Variants in DOCK4 observed in about 807,000 individuals in gnomAD.
DOCK4 encodes dedicator of cytokinesis 4.
In DOCK4, 97 loss-of-function variants were observed where a neutral mutation model predicts 268.1. The observed-to-expected ratio is 0.36, with a 90% CI of 0.31 to 0.43. The LOEUF is 0.43. Ranked by LOEUF, DOCK4 falls within the 20% of genes least tolerant of loss-of-function variation. The probability of loss-of-function intolerance (pLI) is 1.00; values close to 1 mark genes in which losing one functional copy is unlikely to be tolerated. For synonymous variants in DOCK4, 954 were observed against 887.2 expected, an observed-to-expected ratio of 1.08 and a Z score of -1.34; for missense variants, 2,145 against 2,455.7, an observed-to-expected ratio of 0.87 and a Z score of 2.67.
At chr7:111,889,886 A>G (rs1029003886) in intron 16 of DOCK4, among the ~76,000 whole-genome samples, 22 of 152,190 alleles carry the variant, frequency 1.4e-4, no homozygotes, top group African/African-American at 5.3e-4. Flanking sequence ...CAGGAAGCAG[A>G]TTCTCTACTA....
rs183079160 is a variant in DOCK4, at chr7:112,090,054, C to G, written c.38-85923G>C. ...AATCACAAAATATTCTTAAGACCCT[C>G]TTTCTGGAGATTCTAAGTTAGTCTT... On this transcript the variant is annotated intron_variant, in intron 1 of 52. Transcript: ENST00000428084. Among the ~76,000 whole-genome samples, 223 of 152,274 alleles carry G rather than the reference C, an allele frequency of 1.5e-3. 2 individuals carry two copies. The highest frequency in any genetic ancestry group is 2.4e-3 in the Non-Finnish European group (164 of 68,020).
chr7:111,853,106 CACTGG>C (rs1399645029), intron 23 of DOCK4, among the ~76,000 whole-genome samples: 2 of 152,182 alleles, frequency 1.3e-5, no homozygotes, highest in Non-Finnish European at 2.9e-5. Flanking sequence ...CAGTAATCCC[CACTGG>C]ACACGGGACT....
intron 8 of DOCK4, among the ~76,000 whole-genome samples, chr7:111,951,409 T>C (rs1796035832): frequency 6.6e-6 from 1 of 151,988 alleles, no homozygotes; most frequent in Non-Finnish European, 1.5e-5. Context: ...AGTTGTGTGG[T>C]CAGTCAAGGA....
At chr7:111,938,396 A>T (rs550315759) in intron 11 of DOCK4, among the ~76,000 whole-genome samples, 1 of 152,322 alleles carries the variant, frequency 6.6e-6, no homozygotes, top group African/African-American at 2.4e-5. Context: ...ATCTACTGGC[A>T]CATATTAGGT....
intron 25 of DOCK4, among the ~76,000 whole-genome samples, chr7:111,837,586 A>T (rs1803327964): frequency 6.6e-6 from 1 of 152,196 alleles, no homozygotes; most frequent in African/African-American, 2.4e-5. Context: ...ACAAAAATAA[A>T]TTTTACTTCT....
In DOCK4 at chr7:111,727,453, T is replaced by C. The variant is rs1172589132; in HGVS notation, c.*821A>G. The C allele has an allele frequency of 6.6e-6, 1 of 152,668 alleles. No individual in the cohort carries two copies. The highest frequency in any genetic ancestry group is 1.5e-5 in the Non-Finnish European group (1 of 68,048). The allele number at this position is 152,668 out of a possible 1,614,324, so 9.5% of individuals were successfully genotyped here. Reference sequence around the variant, plus strand: ...GGCACAGTCATTTGTGCCTCATTAATACTTCAGCATTTGCTCTTGTTCAAT... The same window carrying C: ...GGCACAGTCATTTGTGCCTCATTAACACTTCAGCATTTGCTCTTGTTCAAT... On this transcript the variant is annotated 3_prime_UTR_variant, in exon 53 of 53. Coordinates refer to ENST00000428084, the MANE Select transcript of DOCK4 (RefSeq NM_001363540.2).
intron 1 of DOCK4, among the ~76,000 whole-genome samples, chr7:112,133,925 G>A (rs1814061528): frequency 6.6e-6 from 1 of 151,928 alleles, no homozygotes; most frequent in African/African-American, 2.4e-5. Flanking sequence ...TTTTTTAACA[G>A]ACTGGAATGG....
chr7:111,944,800 G>C lies in DOCK4; in HGVS notation c.844+11C>G. 1 of 1,613,292 alleles carries C rather than the reference G, an allele frequency of 6.2e-7. No individual in the cohort carries two copies. The highest frequency in any genetic ancestry group is 1.1e-5 in the South Asian group (1 of 91,058). On this transcript the variant is annotated intron_variant, in intron 10 of 52. Transcript: ENST00000428084. ...CCTTGCCCCTACTGCACTGACAAGT[G>C]TTATACCTACCGATTCGGATAATGT...
intron 29 of DOCK4, 56 bp downstream of exon 29, chr7:111,809,245 A>C (rs1246962198): frequency 1.2e-5 from 16 of 1,330,446 alleles, no homozygotes; most frequent in Non-Finnish European, 1.7e-5. Context: ...GAATCATTTG[A>C]ACTAAATACT....
At chr7:112,069,223 C>G (rs2135658160) in intron 1 of DOCK4, among the ~76,000 whole-genome samples, 1 of 152,300 alleles carries the variant, frequency 6.6e-6, no homozygotes, top group Non-Finnish European at 1.5e-5. Context: ...GGGTGGATAA[C>G]AGCTCAGTAC....
At chr7:112,091,185 G>C (rs10266032) in intron 1 of DOCK4, among the ~76,000 whole-genome samples, 1 of 152,068 alleles carries the variant, frequency 6.6e-6, no homozygotes, top group Non-Finnish European at 1.5e-5. Context: ...ATTGACTCCA[G>C]TGTTCCTACC....
intron 1 of DOCK4, among the ~76,000 whole-genome samples, chr7:112,068,160 T>C (rs1476159964): frequency 2.0e-5 from 3 of 152,216 alleles, no homozygotes; most frequent in East Asian, 3.8e-4. Flanking sequence ...CAAAGAAGAC[T>C]GCACTATTGT....
intron 42 of DOCK4, among the ~76,000 whole-genome samples, chr7:111,751,972 C>T (rs950502410): frequency 1.3e-5 from 2 of 152,072 alleles, no homozygotes; most frequent in African/African-American, 4.8e-5. Context: ...ATTGCCCAGG[C>T]TGGTCTAAAA....
intron 23 of DOCK4, among the ~76,000 whole-genome samples, chr7:111,852,373 T>C (rs891837225): frequency 2.6e-5 from 4 of 152,078 alleles, no homozygotes; most frequent in African/African-American, 9.7e-5. Flanking sequence ...TTCTATACAT[T>C]AAGAAAACAA....
intron 51 of DOCK4, among the ~76,000 whole-genome samples, chr7:111,733,273 G>A (rs1005057342): frequency 4.6e-5 from 7 of 152,204 alleles, no homozygotes; most frequent in African/African-American, 1.7e-4. Context: ...CAGACCATGA[G>A]AGCAATCAGT....
At chr7:111,938,874 C>T (rs1393569276) in intron 11 of DOCK4, among the ~76,000 whole-genome samples, 2 of 151,016 alleles carry the variant, frequency 1.3e-5, no homozygotes, top group Non-Finnish European at 2.9e-5. Context: ...ACTCAGGAGG[C>T]TGAGGCAGAA....
intron 1 of DOCK4, among the ~76,000 whole-genome samples, chr7:112,101,965 C>G (rs1325526963): frequency 6.6e-6 from 1 of 152,056 alleles, no homozygotes; most frequent in Non-Finnish European, 1.5e-5. Context: ...GCCTCAGCCT[C>G]CGGAGTAGCT....
intron 7 of DOCK4, among the ~76,000 whole-genome samples, chr7:111,983,856 G>GCACACACACA (rs1454832356): frequency 4.3e-5 from 4 of 92,002 alleles, no homozygotes; most frequent in African/African-American, 1.5e-4. Context: ...GCGCGCGCGC[G>GCACACACACA]CGCGCGCACA....
At chr7:112,200,739 C>T (rs11440109) in intron 1 of DOCK4, among the ~76,000 whole-genome samples, 7 of 129,074 alleles carry the variant, frequency 5.4e-5, no homozygotes, top group Admixed American at 4.2e-4. Flanking sequence ...AAAAAAAAAA[C>T]AAAAAAAAAC....
Sources: gnomAD v4.1 joint callset for allele counts (sites outside exome capture counted in the v4.1 genomes callset) on GRCh38, gnomAD v4.1.1 for gene constraint, MANE v1.5 for transcripts, NCBI Gene and HGNC (gene_info 2026-07-23, HGNC 2026-07-21) for gene names.